ELK3: variants seen among roughly 807,000 people sequenced by gnomAD.
ELK3 encodes ETS transcription factor ELK3, also known as ETS domain-containing protein Elk-3.
ELK3 carries 10 observed loss-of-function variants against 28.9 expected under a neutral mutation model. That is an observed-to-expected ratio of 0.35 (90% CI 0.21 to 0.59). ELK3 has a LOEUF of 0.59. Ranked by LOEUF, ELK3 falls within the 20% of genes least tolerant of loss-of-function variation. ELK3 has a pLI of 0.82. For missense variants in ELK3, 463 were observed against 517.3 expected (o/e 0.90, Z 1.02); for synonymous variants, 272 against 243.5 (o/e 1.12, Z -1.09).
intron 1 of ELK3, among the ~76,000 whole-genome samples, chr12:96,222,273 T>C (rs1030137): frequency 0.32 from 48,164 of 152,090 alleles, 8,008 homozygotes; most frequent in East Asian, 0.59. Flanking sequence ...GAGAAGGCCC[T>C]ATTTGAGCTG....
intron 4 of ELK3, among the ~76,000 whole-genome samples, chr12:96,264,699 T>C (rs1020542931): frequency 6.6e-6 from 1 of 152,140 alleles, no homozygotes; most frequent in Non-Finnish European, 1.5e-5. Context: ...GTGGCAGCAC[T>C]GCTTGAGCCC....
At chr12:96,259,983 T>C in intron 4 of ELK3, 130 bp downstream of exon 4, 1 of 1,273,386 alleles carries the variant, frequency 7.9e-7, no homozygotes, top group Non-Finnish European at 1.0e-6. Flanking sequence ...AGGGGGTTCA[T>C]GTTAGTGGGG....
intron 2 of ELK3, among the ~76,000 whole-genome samples, chr12:96,227,687 C>T (rs1951713456): frequency 6.6e-6 from 1 of 152,058 alleles, no homozygotes; most frequent in Admixed American, 6.6e-5. Context: ...CATTGCTCCT[C>T]CTCAGAGTGT....
chr12:96,219,123 CAT>C (rs1161238302), intron 1 of ELK3, among the ~76,000 whole-genome samples: 3 of 152,160 alleles, frequency 2.0e-5, no homozygotes, highest in Non-Finnish European at 2.9e-5. Flanking sequence ...ATCTATCAAA[CAT>C]AAATCTCAAG....
intron 2 of ELK3, among the ~76,000 whole-genome samples, chr12:96,227,494 G>C (rs1225786640): frequency 1.3e-5 from 2 of 148,196 alleles, no homozygotes; most frequent in African/African-American, 5.0e-5. Context: ...ATTTTTAGCA[G>C]AGAAAAAAGT....
chr12:96,265,279 T>C (rs1382851844), intron 4 of ELK3, among the ~76,000 whole-genome samples: 1 of 152,042 alleles, frequency 6.6e-6, no homozygotes, highest in African/African-American at 2.4e-5. Context: ...ACAGAAATAA[T>C]AAGGGCAGAA....
intron 2 of ELK3, among the ~76,000 whole-genome samples, chr12:96,241,346 T>C (rs1269605440): frequency 6.6e-6 from 1 of 152,102 alleles, no homozygotes; most frequent in East Asian, 1.9e-4. Flanking sequence ...TTACAAAACT[T>C]ATCGAAATAT....
intron 1 of ELK3, 68 bp from the exon 2 acceptor site, chr12:96,223,497 C>T (rs915291958): frequency 6.5e-7 from 1 of 1,530,108 alleles, no homozygotes; most frequent in Non-Finnish European, 9.0e-7. Flanking sequence ...TCTGAAGCCC[C>T]CTCTCTCCTC....
chr12:96,242,770 C>T lies in ELK3; in HGVS notation c.208-4170C>T, dbSNP rs537737141. Among the ~76,000 whole-genome samples the T allele has an allele frequency of 4.6e-5, 7 of 152,318 alleles. No homozygotes were observed. The South Asian group carries it at 1.4e-3, about 32-fold the overall frequency. On this transcript the variant is annotated intron_variant, in intron 2 of 4. Coordinates refer to ENST00000228741, the MANE Select transcript of ELK3 (RefSeq NM_005230.4). ...GCTCTGACCCACTTACTGTACCCGACCCTGCCCTCTTCCCTCCCAGTTCCA... is the reference window on the plus strand; with the variant it reads ...GCTCTGACCCACTTACTGTACCCGATCCTGCCCTCTTCCCTCCCAGTTCCA...
intron 2 of ELK3, among the ~76,000 whole-genome samples, chr12:96,244,891 A>G (rs547737555): frequency 2.0e-5 from 3 of 152,278 alleles, no homozygotes; most frequent in East Asian, 3.9e-4. Context: ...GGTGGAAAAC[A>G]TCTGAGTTTC....
At chr12:96,232,102 A>T (rs1435674162) in intron 2 of ELK3, among the ~76,000 whole-genome samples, 1 of 152,194 alleles carries the variant, frequency 6.6e-6, no homozygotes, top group Admixed American at 6.5e-5. Context: ...GTTAGAAGGG[A>T]TATACCAAGA....
At chr12:96,230,931 A>C (rs1423990352) in intron 2 of ELK3, among the ~76,000 whole-genome samples, 1 of 152,176 alleles carries the variant, frequency 6.6e-6, no homozygotes, top group Non-Finnish European at 1.5e-5. Context: ...TTATAATTCC[A>C]AGAAAGGAGT....
intron 2 of ELK3, among the ~76,000 whole-genome samples, chr12:96,234,349 C>G (rs1279565585): frequency 2.0e-5 from 3 of 152,212 alleles, no homozygotes; most frequent in Admixed American, 1.3e-4. Context: ...GATCCACTTA[C>G]GTCAGGCTGT....
intron 4 of ELK3, among the ~76,000 whole-genome samples, chr12:96,266,659 T>G (rs1022738550): frequency 6.6e-6 from 1 of 152,222 alleles, no homozygotes; most frequent in Non-Finnish European, 1.5e-5. Context: ...TTTCAAAATA[T>G]AGTATTAGAA....
intron 3 of ELK3, among the ~76,000 whole-genome samples, chr12:96,249,942 G>A (rs1592687952): frequency 6.6e-6 from 1 of 152,220 alleles, no homozygotes; most frequent in Non-Finnish European, 1.5e-5. Context: ...CTGTGCCTTA[G>A]GCAGTGAGGG....
chr12:96,198,798 C>A (rs1026302011), intron 1 of ELK3, among the ~76,000 whole-genome samples: 7 of 152,086 alleles, frequency 4.6e-5, no homozygotes, highest in Non-Finnish European at 8.8e-5. Context: ...CTATGTATAT[C>A]CACACATGCA....
At chr12:96,233,836 C>T (rs999582445) in intron 2 of ELK3, among the ~76,000 whole-genome samples, 1 of 152,204 alleles carries the variant, frequency 6.6e-6, no homozygotes, top group East Asian at 1.9e-4. Context: ...GGTGTTTTAT[C>T]GATCGAGGGG....
At chr12:96,200,808 A>G (rs1407322892) in intron 1 of ELK3, among the ~76,000 whole-genome samples, 2 of 152,168 alleles carry the variant, frequency 1.3e-5, no homozygotes, top group Admixed American at 6.5e-5. Context: ...TATCATAGGC[A>G]TATGCCACCA....
chr12:96,235,695 C>T (rs907442652), intron 2 of ELK3, among the ~76,000 whole-genome samples: 2 of 152,170 alleles, frequency 1.3e-5, no homozygotes, highest in African/African-American at 4.8e-5. Flanking sequence ...CACACACTGC[C>T]CGGCCATGCC....
Sources: gnomAD v4.1 joint callset for allele counts (sites outside exome capture counted in the v4.1 genomes callset) on GRCh38, gnomAD v4.1.1 for gene constraint, MANE v1.5 for transcripts, NCBI Gene and HGNC (gene_info 2026-07-23, HGNC 2026-07-21) for gene names.